Variants in SNX8 observed in about 807,000 individuals in gnomAD.
The protein encoded by SNX8 is sorting nexin 8.
Under a neutral mutation model 51.6 loss-of-function variants are expected in SNX8, and 25 were observed. The ratio of observed to expected loss-of-function variants is 0.48; its 90% confidence interval spans 0.35 to 0.68. The LOEUF is 0.68. SNX8 is among the 30% of genes least tolerant of loss of function. SNX8 has a pLI of 0.00. For synonymous variants in SNX8, 324 were observed against 277.0 expected (o/e 1.17, Z -1.68); for missense variants, 695 against 624.0 (o/e 1.11, Z -1.21).
chr7:2,302,255 G>A (rs1015972608), intron 1 of SNX8, among the ~76,000 whole-genome samples: 16 of 152,162 alleles, frequency 1.1e-4, no homozygotes, highest in Non-Finnish European at 2.2e-4. Context: ...GGCTCGCGCC[G>A]CCACGCCTGA....
At chr7:2,277,748 A>G (rs1795813807) in intron 2 of SNX8, among the ~76,000 whole-genome samples, 1 of 151,912 alleles carries the variant, frequency 6.6e-6, no homozygotes, top group Admixed American at 6.6e-5. Flanking sequence ...CAGAGTTTGC[A>G]GTGAGCCGAG....
chr7:2,267,152 A>T (rs1186884477), intron 5 of SNX8, among the ~76,000 whole-genome samples: 1 of 152,230 alleles, frequency 6.6e-6, no homozygotes, highest in Non-Finnish European at 1.5e-5. Flanking sequence ...TGTCGGAGCA[A>T]CTGAAACGAG....
intron 7 of SNX8, among the ~76,000 whole-genome samples, chr7:2,259,234 G>A (rs1412559647): frequency 2.0e-5 from 3 of 152,142 alleles, no homozygotes; most frequent in Non-Finnish European, 4.4e-5. Context: ...AGCCACAACC[G>A]CAACCAAGCC....
rs1795200289 is a variant in SNX8, at chr7:2,256,982, G to A, written c.1176C>T (p.Phe392=). The part of the protein sequence containing the change: ...AIQTMELRNY[F]SLYCLHQETQ... ...TCTCCTGGTGCAGGCAGTACAGGGA[G>A]AAGTAGTTCCGCAGCTCCATCGTCT... Residue 392 remains phenylalanine, a synonymous_variant, in exon 10 of 11, where the codon TTC becomes TTT. Transcript: ENST00000222990. 1.2e-6 allele frequency: 2 copies of A among 1,612,686 alleles called. No individual in the cohort carries two copies. The highest frequency in any genetic ancestry group is 1.7e-6 in the Non-Finnish European group (2 of 1,179,310).
intron 1 of SNX8, among the ~76,000 whole-genome samples, chr7:2,348,338 CTTTTTTTTTT>C: frequency 1.1e-5 from 1 of 93,676 alleles, no homozygotes; most frequent in Non-Finnish European, 2.2e-5. Context: ...TTCTTTCTTT[CTTTTTTTTTT>C]TTTTTTTTTT....
chr7:2,302,106 G>A (rs199849835), intron 1 of SNX8, among the ~76,000 whole-genome samples: 18 of 151,756 alleles, frequency 1.2e-4, no homozygotes, highest in South Asian at 8.4e-4. Flanking sequence ...CCCCTCTCCC[G>A]ACGGTCTCCC....
intron 3 of SNX8, 143 bp from the exon 4 acceptor site, chr7:2,272,114 C>G (rs1377482804): frequency 8.6e-7 from 1 of 1,161,040 alleles, no homozygotes; most frequent in East Asian, 2.5e-5. Context: ...CCCAGTGCTG[C>G]TCAGACAATG....
intron 1 of SNX8, among the ~76,000 whole-genome samples, chr7:2,350,639 A>G (rs1298969944): frequency 1.3e-5 from 2 of 151,852 alleles, no homozygotes; most frequent in African/African-American, 2.4e-5. Context: ...ACTCTCCCCC[A>G]TCTCTAAAAA....
At chr7:2,301,747 C>A (rs567319708) in intron 1 of SNX8, among the ~76,000 whole-genome samples, 111 of 152,268 alleles carry the variant, frequency 7.3e-4, no homozygotes, top group African/African-American at 2.6e-3. Context: ...CTGCCCTGGA[C>A]CTATTTCAGC....
chr7:2,320,812 G>A (rs966061420), intron 1 of SNX8, among the ~76,000 whole-genome samples: 2 of 152,008 alleles, frequency 1.3e-5, no homozygotes, highest in African/African-American at 4.8e-5. Flanking sequence ...CCTGAGGTCA[G>A]GAGTTTGAGA....
intron 1 of SNX8, among the ~76,000 whole-genome samples, chr7:2,300,141 A>T: frequency 6.6e-6 from 1 of 152,222 alleles, no homozygotes; most frequent in East Asian, 1.9e-4. Flanking sequence ...TGCACTGAAC[A>T]CGAAGACCTA....
At chr7:2,262,161 G>A (rs1007074434) in intron 7 of SNX8, among the ~76,000 whole-genome samples, 17 of 152,084 alleles carry the variant, frequency 1.1e-4, no homozygotes, top group African/African-American at 3.1e-4. Flanking sequence ...CCTCAGCCTC[G>A]TGAGTAGCTG....
intron 1 of SNX8, among the ~76,000 whole-genome samples, chr7:2,347,128 C>T (rs1004655783): frequency 6.6e-6 from 1 of 151,884 alleles, no homozygotes; most frequent in Admixed American, 6.6e-5. Context: ...AGTTCAAGAC[C>T]AGCTGGGGCA....
chr7:2,258,911 T>C (rs528231512), intron 7 of SNX8, among the ~76,000 whole-genome samples: 1 of 152,200 alleles, frequency 6.6e-6, no homozygotes, highest in Admixed American at 6.5e-5. Context: ...AGGGATGCCC[T>C]GCTCCCAGAG....
At chr7:2,260,024 A>G (rs1455662369) in intron 7 of SNX8, among the ~76,000 whole-genome samples, 1 of 151,956 alleles carries the variant, frequency 6.6e-6, no homozygotes, top group African/African-American at 2.4e-5. Context: ...GAGAGAAAGA[A>G]AGAGAGAGAG....
chr7:2,331,321 G>A (rs12699839), intron 1 of SNX8, among the ~76,000 whole-genome samples: 76,408 of 151,498 alleles, frequency 0.5, 19,430 homozygotes, highest in East Asian at 0.58. Context: ...TAGCCATATT[G>A]TAAGATACAA....
chr7:2,266,195 T>C (rs1795459703), intron 5 of SNX8, among the ~76,000 whole-genome samples: 1 of 152,184 alleles, frequency 6.6e-6, no homozygotes, highest in South Asian at 2.1e-4. Flanking sequence ...GTTGTTGTTG[T>C]CGTCTTTGAC....
intron 1 of SNX8, among the ~76,000 whole-genome samples, chr7:2,284,767 T>C (rs1795984915): frequency 6.6e-6 from 1 of 152,134 alleles, no homozygotes; most frequent in African/African-American, 2.4e-5. Context: ...CTACACCTTT[T>C]CCACTGAAAT....
intron 1 of SNX8, among the ~76,000 whole-genome samples, chr7:2,327,138 G>T (rs1778635492): frequency 6.6e-6 from 1 of 152,174 alleles, no homozygotes; most frequent in South Asian, 2.1e-4. Context: ...CTCCTAGGGG[G>T]TTCCTGGTTT....
Sources: gnomAD v4.1 joint callset for allele counts (sites outside exome capture counted in the v4.1 genomes callset) on GRCh38, gnomAD v4.1.1 for gene constraint, MANE v1.5 for transcripts, NCBI Gene and HGNC (gene_info 2026-07-23, HGNC 2026-07-21) for gene names.